The following LRMDA variants were observed in gnomAD, a reference collection of about 807,000 sequenced individuals.
LRMDA encodes the protein leucine-rich melanocyte differentiation-associated protein.
Under a neutral mutation model 29.8 loss-of-function variants are expected in LRMDA, and 18 were observed. The observed-to-expected ratio is 0.60, with a 90% CI of 0.42 to 0.90. The LOEUF (loss-of-function observed/expected upper bound fraction) is 0.90, where lower values mean the gene tolerates loss of function less well. Among genes scored for constraint, LRMDA ranks in the 40% least tolerant of loss-of-function variants. LRMDA has a pLI of 0.00. For synonymous variants in LRMDA, 125 were observed against 109.4 expected (o/e 1.14, Z -0.89); for missense variants, 273 against 273.9 (o/e 1.00, Z 0.02).
At chr10:75,502,419 C>T (rs1295617941) in intron 2 of LRMDA, among the ~76,000 whole-genome samples, 2 of 142,100 alleles carry the variant, frequency 1.4e-5, no homozygotes, top group Non-Finnish European at 3.1e-5. Flanking sequence ...ACCTTTTTGC[C>T]TTTTAGATTT....
At chr10:75,620,353 A>T (rs1043889227) in intron 2 of LRMDA, among the ~76,000 whole-genome samples, 1 of 152,244 alleles carries the variant, frequency 6.6e-6, no homozygotes, top group East Asian at 1.9e-4. Flanking sequence ...ACATTTCATT[A>T]AAAAATATCA....
At chr10:75,644,731 A>G (rs1246385819) in intron 2 of LRMDA, among the ~76,000 whole-genome samples, 2 of 152,108 alleles carry the variant, frequency 1.3e-5, no homozygotes, top group African/African-American at 4.8e-5. Context: ...TATCCACTGC[A>G]TGCCGCCAAC....
intron 6 of LRMDA, among the ~76,000 whole-genome samples, chr10:76,431,919 C>T (rs1842194748): frequency 6.6e-6 from 1 of 152,180 alleles, no homozygotes; most frequent in Admixed American, 6.5e-5. Flanking sequence ...TGTCTGCTGC[C>T]ATGTGAGACA....
intron 6 of LRMDA, among the ~76,000 whole-genome samples, chr10:76,503,789 C>T (rs1842934374): frequency 6.7e-6 from 1 of 150,190 alleles, no homozygotes; most frequent in Admixed American, 6.6e-5. Context: ...GTCTTGGTTT[C>T]ATTGATCTTT....
At chr10:76,295,024 C>T (rs1036368232) in intron 5 of LRMDA, among the ~76,000 whole-genome samples, 7 of 151,930 alleles carry the variant, frequency 4.6e-5, no homozygotes, top group South Asian at 2.1e-4. Flanking sequence ...TTGAGTGTTA[C>T]GGAAATATTT....
In LRMDA at chr10:76,436,646, A is replaced by G. The variant is rs561237690; in HGVS notation, c.601+112161A>G. Among the ~76,000 whole-genome samples, 70 of 152,236 alleles carry G rather than the reference A, an allele frequency of 4.6e-4. 1 individual carries two copies. The highest frequency in any genetic ancestry group is 1.7e-3 in the African/African-American group (70 of 41,532). ...ATCGGTGCTCAGGGAAGGGAAATCC[A>G]CCCCTGTGCTCTTCACACCCAGACA... On this transcript the variant is annotated intron_variant, in intron 6 of 6. Coordinates refer to ENST00000611255, the MANE Select transcript of LRMDA (RefSeq NM_001305581.2).
intron 6 of LRMDA, among the ~76,000 whole-genome samples, chr10:76,479,100 A>C (rs1475801809): frequency 8.6e-5 from 13 of 151,754 alleles, no homozygotes; most frequent in Non-Finnish European, 1.6e-4. Context: ...TGAGCTTATA[A>C]AATAAATTAG....
At chr10:76,506,446 C>A (rs1439931408) in intron 6 of LRMDA, among the ~76,000 whole-genome samples, 3 of 152,094 alleles carry the variant, frequency 2.0e-5, no homozygotes, top group Non-Finnish European at 4.4e-5. Context: ...AGAACAGAAG[C>A]CATATCTGTA....
chr10:75,994,781 AAT>A (rs1564625562), intron 2 of LRMDA, among the ~76,000 whole-genome samples: 2 of 152,190 alleles, frequency 1.3e-5, no homozygotes, highest in African/African-American at 4.8e-5. Context: ...ACACCGAAAA[AAT>A]ATGTCACATT....
chr10:76,073,029 A>G (rs148708139), intron 5 of LRMDA, among the ~76,000 whole-genome samples: 639 of 151,978 alleles, frequency 4.2e-3, no homozygotes, highest in African/African-American at 0.014. Flanking sequence ...AAATCTTACC[A>G]CCCCCCACAA....
chr10:75,949,767 G>C (rs1846540835), intron 2 of LRMDA, among the ~76,000 whole-genome samples: 1 of 152,112 alleles, frequency 6.6e-6, no homozygotes, highest in South Asian at 2.1e-4. Context: ...GCTTTTTGAG[G>C]AAGCCAGAGA....
At chr10:75,674,812 C>G (rs1841941281) in intron 2 of LRMDA, among the ~76,000 whole-genome samples, 1 of 152,014 alleles carries the variant, frequency 6.6e-6, no homozygotes. Flanking sequence ...GCTAAGGCAT[C>G]CAGTTTCTGT....
At chr10:75,526,747 T>G (rs1845417399) in intron 2 of LRMDA, among the ~76,000 whole-genome samples, 2 of 151,932 alleles carry the variant, frequency 1.3e-5, no homozygotes, top group South Asian at 4.2e-4. Flanking sequence ...TTCCTATTAC[T>G]CTGGTGGAGA....
chr10:76,139,264 G>C (rs1358783811), intron 5 of LRMDA, among the ~76,000 whole-genome samples: 1 of 152,110 alleles, frequency 6.6e-6, no homozygotes, highest in African/African-American at 2.4e-5. Flanking sequence ...GAATGATGCT[G>C]TTAGTAGATA....
intron 2 of LRMDA, among the ~76,000 whole-genome samples, chr10:75,513,311 T>C (rs1179849099): frequency 6.6e-6 from 1 of 152,238 alleles, no homozygotes; most frequent in Non-Finnish European, 1.5e-5. Flanking sequence ...CACGCTTTCT[T>C]GCGTGCGTGT....
intron 6 of LRMDA, among the ~76,000 whole-genome samples, chr10:76,365,107 T>TATATATACACACAC (rs141131236): frequency 0.062 from 3,770 of 61,260 alleles, 211 homozygotes; most frequent in African/African-American, 0.11. Flanking sequence ...TATATATATA[T>TATATATACACACAC]ACACACACAC....
intron 2 of LRMDA, among the ~76,000 whole-genome samples, chr10:75,812,619 G>C (rs1843985068): frequency 6.6e-6 from 1 of 152,184 alleles, no homozygotes. Flanking sequence ...TGGATTTATA[G>C]TTAAATGGTG....
At chr10:76,208,588 C>T (rs543536721) in intron 5 of LRMDA, among the ~76,000 whole-genome samples, 2 of 152,326 alleles carry the variant, frequency 1.3e-5, no homozygotes, top group South Asian at 4.1e-4. Context: ...TGATTTTGGC[C>T]TTGTCAGACT....
chr10:76,045,518 A>G (rs1848424134), intron 3 of LRMDA, among the ~76,000 whole-genome samples: 1 of 151,310 alleles, frequency 6.6e-6, no homozygotes, highest in African/African-American at 2.4e-5. Flanking sequence ...TTCTGCTTGT[A>G]CTCTGCTTCT....
Sources: allele counts gnomAD v4.1 joint callset (sites outside exome capture counted in the v4.1 genomes callset), GRCh38; gene constraint gnomAD v4.1.1; transcripts MANE v1.5; gene names NCBI Gene and HGNC (gene_info 2026-07-23, HGNC 2026-07-21).